Variants in ADAMTS12 observed in about 807,000 individuals in gnomAD.
ADAMTS12 encodes ADAM metallopeptidase with thrombospondin type 1 motif 12.
Under a neutral mutation model 167.8 loss-of-function variants are expected in ADAMTS12, and 118 were observed. That is an observed-to-expected ratio of 0.70 (90% CI 0.61 to 0.82). ADAMTS12 has a LOEUF of 0.82. Among genes scored for constraint, ADAMTS12 ranks in the 40% least tolerant of loss-of-function variants. The pLI, the probability that ADAMTS12 is intolerant of heterozygous loss-of-function variation, is 0.00. For synonymous variants in ADAMTS12, 704 were observed against 716.9 expected, an observed-to-expected ratio of 0.98 and a Z score of 0.29; for missense variants, 1,916 against 1,998.8, an observed-to-expected ratio of 0.96 and a Z score of 0.79.
At chr5:33,571,353 T>A (rs1482109536) in intron 19 of ADAMTS12, among the ~76,000 whole-genome samples, 1 of 151,524 alleles carries the variant, frequency 6.6e-6, no homozygotes, top group African/African-American at 2.4e-5. Flanking sequence ...GAAGTAAAGC[T>A]CTCCTCAGCA....
chr5:33,648,518 G>A (rs1321805186), intron 9 of ADAMTS12, among the ~76,000 whole-genome samples: 1 of 152,318 alleles, frequency 6.6e-6, no homozygotes, highest in Non-Finnish European at 1.5e-5. Flanking sequence ...CAATTTTAGG[G>A]ATTAAGTTGG....
chr5:33,825,878 T>G (rs963915118), intron 2 of ADAMTS12, among the ~76,000 whole-genome samples: 2 of 152,158 alleles, frequency 1.3e-5, no homozygotes, highest in African/African-American at 4.8e-5. Flanking sequence ...GGTTCCTCAG[T>G]TATGTAACCA....
intron 3 of ADAMTS12, among the ~76,000 whole-genome samples, chr5:33,748,688 A>T (rs933289067): frequency 6.6e-6 from 1 of 152,164 alleles, no homozygotes; most frequent in Non-Finnish European, 1.5e-5. Context: ...TGCTCCATAT[A>T]TGGTAAAGGT....
At chr5:33,714,321 G>T (rs1321367517) in intron 3 of ADAMTS12, among the ~76,000 whole-genome samples, 2 of 152,082 alleles carry the variant, frequency 1.3e-5, no homozygotes, top group Non-Finnish European at 2.9e-5. Flanking sequence ...AAACACTGTT[G>T]TTGGCAATGT....
intron 16 of ADAMTS12, among the ~76,000 whole-genome samples, chr5:33,605,979 A>G (rs4345323): frequency 0.58 from 88,093 of 151,884 alleles, 25,825 homozygotes; most frequent in East Asian, 0.82. Context: ...ATGGAGTCTC[A>G]CTCTGTTGCC....
chr5:33,757,081 AAG>A (rs1172392597), intron 2 of ADAMTS12, among the ~76,000 whole-genome samples: 7 of 152,182 alleles, frequency 4.6e-5, no homozygotes, highest in African/African-American at 1.7e-4. Context: ...CAAGTAAGGA[AAG>A]AGAGAGATTC....
chr5:33,643,703 G>A (rs530594721), intron 9 of ADAMTS12, among the ~76,000 whole-genome samples: 2 of 152,320 alleles, frequency 1.3e-5, no homozygotes, highest in South Asian at 4.1e-4. Context: ...GGAAATGAGG[G>A]ATAAAACCTA....
rs372611552 is a variant in ADAMTS12, at chr5:33,648,985, A to G, written c.1335-19T>C. ...GCCTCGGCTGAAAACAAGTTAACAG[A>G]AATGAGAGGAGTTGTTTAGGATTCC... On this transcript the variant is annotated intron_variant, in intron 8 of 23. Coordinates refer to ENST00000504830, the MANE Select transcript of ADAMTS12 (RefSeq NM_030955.4). 13 of 1,612,098 alleles carry G rather than the reference A, an allele frequency of 8.1e-6. No homozygotes were observed. In the African/African-American group the frequency reaches 1.7e-4, roughly 22 times the overall value.
chr5:33,864,085 C>G lies in ADAMTS12; in HGVS notation c.489+17034G>C, dbSNP rs189211742. On this transcript the variant is annotated intron_variant, in intron 2 of 23. Transcript: ENST00000504830. The stretch of plus-strand genomic sequence containing the variant: ...TGGATTAAAGACTTCAATGTTAGAC[C>G]TAAAACCATAAAAACCCTAGAAGAA... Among the ~76,000 whole-genome samples, 205 of 152,212 alleles carry G rather than the reference C, an allele frequency of 1.3e-3. 1 individual carries two copies. The highest frequency in any genetic ancestry group is 2.4e-3 in the Admixed American group (36 of 15,288).
intron 20 of ADAMTS12, among the ~76,000 whole-genome samples, chr5:33,555,397 G>C (rs906001185): frequency 2.0e-5 from 3 of 152,054 alleles, no homozygotes; most frequent in Non-Finnish European, 2.9e-5. Flanking sequence ...GGCATGTGCT[G>C]TACCAAGCCG....
At chr5:33,775,471 A>G (rs2112432300) in intron 2 of ADAMTS12, among the ~76,000 whole-genome samples, 1 of 152,330 alleles carries the variant, frequency 6.6e-6, no homozygotes, top group East Asian at 1.9e-4. Context: ...ATACCATCAG[A>G]GTACAAAAAT....
chr5:33,754,574 G>A (rs1168561007), intron 2 of ADAMTS12, among the ~76,000 whole-genome samples: 5 of 152,230 alleles, frequency 3.3e-5, no homozygotes, highest in Non-Finnish European at 7.3e-5. Flanking sequence ...TGGGCACGGT[G>A]GCTCATGCCT....
chr5:33,579,171 C>T (rs1746921947), intron 18 of ADAMTS12, among the ~76,000 whole-genome samples: 1 of 152,140 alleles, frequency 6.6e-6, no homozygotes, highest in South Asian at 2.1e-4. Flanking sequence ...CTCTGTGCTC[C>T]ATCTATTTTA....
At chr5:33,863,644 G>C (rs1749704827) in intron 2 of ADAMTS12, among the ~76,000 whole-genome samples, 1 of 152,126 alleles carries the variant, frequency 6.6e-6, no homozygotes. Context: ...GTAATTTATA[G>C]ATTCAATGCT....
At chr5:33,758,365 C>T (rs146483221) in intron 2 of ADAMTS12, among the ~76,000 whole-genome samples, 2 of 152,058 alleles carry the variant, frequency 1.3e-5, no homozygotes, top group African/African-American at 4.8e-5. Context: ...CCTGAGCCAT[C>T]GCTAGGCTGC....
At chr5:33,561,650 G>A (rs1474513008) in intron 19 of ADAMTS12, among the ~76,000 whole-genome samples, 4 of 152,138 alleles carry the variant, frequency 2.6e-5, no homozygotes, top group Non-Finnish European at 5.9e-5. Flanking sequence ...GTGTGGTGGT[G>A]TATACTTGCA....
At chr5:33,781,385 G>C (rs1746120959) in intron 2 of ADAMTS12, among the ~76,000 whole-genome samples, 2 of 152,094 alleles carry the variant, frequency 1.3e-5, no homozygotes, top group Non-Finnish European at 2.9e-5. Context: ...GAATCACACA[G>C]GGATCTTACT....
At chr5:33,747,549 C>G (rs1744834427) in intron 3 of ADAMTS12, among the ~76,000 whole-genome samples, 1 of 152,042 alleles carries the variant, frequency 6.6e-6, no homozygotes, top group African/African-American at 2.4e-5. Flanking sequence ...GGAATGAACC[C>G]AGTACTGGGA....
intron 2 of ADAMTS12, among the ~76,000 whole-genome samples, chr5:33,753,801 G>C (rs1248632129): frequency 6.6e-6 from 1 of 152,188 alleles, no homozygotes; most frequent in Non-Finnish European, 1.5e-5. Context: ...CCTCCACAAA[G>C]TGGTCTTGCC....
Sources: allele counts gnomAD v4.1 joint callset (sites outside exome capture counted in the v4.1 genomes callset), GRCh38; gene constraint gnomAD v4.1.1; transcripts MANE v1.5; gene names NCBI Gene and HGNC (gene_info 2026-07-23, HGNC 2026-07-21).